The following NFIB variants were observed in gnomAD, a reference collection of about 807,000 sequenced individuals.
The protein encoded by NFIB is nuclear factor I B.
Under a neutral mutation model 61.5 loss-of-function variants are expected in NFIB, and 11 were observed. That is an observed-to-expected ratio of 0.18 (90% CI 0.11 to 0.30). The LOEUF is 0.30. NFIB is among the 10% of genes least tolerant of loss of function. The pLI is 1.00. For synonymous variants in NFIB, 260 were observed against 216.5 expected (o/e 1.20, Z -1.76); for missense variants, 471 against 608.9 (o/e 0.77, Z 2.38).
At chr9:14,483,214 T>C in the NFIB span, among the ~76,000 whole-genome samples, 1 of 152,214 alleles carries the variant, frequency 6.6e-6, no homozygotes, top group Non-Finnish European at 1.5e-5. Flanking sequence ...AGTTTGTGAC[T>C]AAAATTATTT....
chr9:14,289,308 G>A, intron 2 of NFIB, among the ~76,000 whole-genome samples: 1 of 149,972 alleles, frequency 6.7e-6, no homozygotes, highest in East Asian at 2.0e-4. Context: ...CTGAACTAAA[G>A]AATCAACAAG....
intron 1 of NFIB, among the ~76,000 whole-genome samples, chr9:14,346,510 C>A (rs2061024692): frequency 6.6e-6 from 1 of 152,094 alleles, no homozygotes; most frequent in Admixed American, 6.5e-5. Flanking sequence ...GTCCCCAGGC[C>A]CAGCAGTCCA....
intron 2 of NFIB, among the ~76,000 whole-genome samples, chr9:14,303,652 C>A (rs1439462580): frequency 6.6e-6 from 1 of 152,180 alleles, no homozygotes; most frequent in African/African-American, 2.4e-5. Flanking sequence ...CACTGCAATG[C>A]GGATGCCAAC....
intron 1 of NFIB, among the ~76,000 whole-genome samples, chr9:14,333,714 A>G (rs1317250472): frequency 6.6e-6 from 1 of 152,138 alleles, no homozygotes; most frequent in Non-Finnish European, 1.5e-5. Context: ...ATATTATATA[A>G]CACCGAGAAG....
chr9:14,282,202 G>A (rs1225457629), intron 2 of NFIB, among the ~76,000 whole-genome samples: 1 of 152,084 alleles, frequency 6.6e-6, no homozygotes, highest in Non-Finnish European at 1.5e-5. Context: ...CATTTTTTCA[G>A]TAACCATTCA....
the NFIB span, among the ~76,000 whole-genome samples, chr9:14,459,172 T>C: frequency 2.6e-5 from 4 of 152,210 alleles, no homozygotes; most frequent in East Asian, 3.9e-4. Flanking sequence ...AACAGAGATA[T>C]AGACCAATGG....
At chr9:14,294,691 T>C (rs2059310941) in intron 2 of NFIB, among the ~76,000 whole-genome samples, 1 of 152,212 alleles carries the variant, frequency 6.6e-6, no homozygotes, top group African/African-American at 2.4e-5. Context: ...AGTTACCCTT[T>C]AACTAATGGA....
chr9:14,396,610 C>A (rs1265168617), intron 1 of NFIB, among the ~76,000 whole-genome samples: 2 of 152,146 alleles, frequency 1.3e-5, no homozygotes, highest in African/African-American at 4.8e-5. Flanking sequence ...AAAATTGGCA[C>A]ACCCCAAATT....
intron 2 of NFIB, among the ~76,000 whole-genome samples, chr9:14,212,550 A>G (rs1184260766): frequency 1.3e-5 from 2 of 152,116 alleles, no homozygotes; most frequent in Non-Finnish European, 2.9e-5. Context: ...TTCTAATAAA[A>G]TTGTCCATAT....
the NFIB span, among the ~76,000 whole-genome samples, chr9:14,445,921 C>CA: frequency 1.3e-5 from 2 of 152,064 alleles, no homozygotes; most frequent in African/African-American, 4.8e-5. Context: ...TTAGAATAGC[C>CA]ATTAGAGAGT....
At chr9:14,166,936 G>T (rs950460614) in intron 3 of NFIB, among the ~76,000 whole-genome samples, 1 of 151,888 alleles carries the variant, frequency 6.6e-6, no homozygotes, top group Non-Finnish European at 1.5e-5. Context: ...TTCACTTTTC[G>T]TATAAGTCTT....
chr9:14,256,211 G>A (rs527677392), intron 2 of NFIB, among the ~76,000 whole-genome samples: 2 of 152,236 alleles, frequency 1.3e-5, no homozygotes, highest in East Asian at 3.9e-4. Context: ...AAATTCCAGA[G>A]AGATTGAATT....
chr9:14,333,006 G>A (rs1456278523), intron 1 of NFIB, among the ~76,000 whole-genome samples: 1 of 152,162 alleles, frequency 6.6e-6, no homozygotes, highest in Non-Finnish European at 1.5e-5. Flanking sequence ...CAGTCAATCA[G>A]GGGTATTCAG....
At chr9:14,364,582 G>A (rs1300285617) in intron 1 of NFIB, among the ~76,000 whole-genome samples, 1 of 152,144 alleles carries the variant, frequency 6.6e-6, no homozygotes, top group African/African-American at 2.4e-5. Flanking sequence ...TACAGCATCA[G>A]AATGTTTATA....
rs549419020 is a variant in NFIB at position 14,083,950 on chromosome 9, G to A, written c.*4359C>T. 9 of 220,316 alleles carry A rather than the reference G, an allele frequency of 4.1e-5. No individual in the cohort carries two copies. Among genetic ancestry groups the A allele is most frequent in the East Asian group, 2.7e-4 (4 of 14,892 alleles). 13.6% of individuals were successfully genotyped at this position (220,316 alleles called of 1,614,324 possible). The stretch of plus-strand genomic sequence containing the variant: ...ATCACAAAAACTTTTGCTAAAGGCC[G>A]TATATACTAATAAAAAGACAGTGGT... On this transcript the variant is annotated 3_prime_UTR_variant, in exon 11 of 11. Coordinates refer to ENST00000380953, the MANE Select transcript of NFIB (RefSeq NM_001190737.2).
chr9:14,327,136 C>T (rs2060764125), intron 1 of NFIB, among the ~76,000 whole-genome samples: 1 of 151,956 alleles, frequency 6.6e-6, no homozygotes, highest in Non-Finnish European at 1.5e-5. Flanking sequence ...AAAACAGAGG[C>T]ATCTGGCAAT....
intron 1 of NFIB, among the ~76,000 whole-genome samples, chr9:14,356,942 C>T (rs947939266): frequency 3.3e-5 from 5 of 152,132 alleles, no homozygotes; most frequent in Admixed American, 1.3e-4. Context: ...AATATTATAG[C>T]GGAATGTTTG....
At chr9:14,344,543 G>C (rs890677653) in intron 1 of NFIB, among the ~76,000 whole-genome samples, 1 of 152,126 alleles carries the variant, frequency 6.6e-6, no homozygotes, top group Non-Finnish European at 1.5e-5. Flanking sequence ...TTCTTAAAGG[G>C]ACAGAATAAG....
the NFIB span, among the ~76,000 whole-genome samples, chr9:14,507,022 A>G: frequency 6.6e-6 from 1 of 152,246 alleles, no homozygotes; most frequent in East Asian, 1.9e-4. Flanking sequence ...TAAATGTTTT[A>G]AACAGTTTTT....
Sources: gnomAD v4.1 joint callset for allele counts (sites outside exome capture counted in the v4.1 genomes callset) on GRCh38, gnomAD v4.1.1 for gene constraint, MANE v1.5 for transcripts, NCBI Gene and HGNC (gene_info 2026-07-23, HGNC 2026-07-21) for gene names.